Variants in CACNA2D1 observed in about 807,000 individuals in gnomAD.
CACNA2D1 encodes the protein calcium voltage-gated channel auxiliary subunit alpha2delta 1, also known as voltage-dependent calcium channel subunit alpha-2/delta-1.
A neutral mutation model predicts 171.5 loss-of-function variants in CACNA2D1; 53 were observed. That is an observed-to-expected ratio of 0.31 (90% CI 0.25 to 0.39). The LOEUF (loss-of-function observed/expected upper bound fraction) is 0.39. Among genes scored for constraint, CACNA2D1 ranks in the 10% least tolerant of loss-of-function variants. The pLI is 1.00. For synonymous variants in CACNA2D1, 442 were observed against 443.1 expected, an observed-to-expected ratio of 1.00 and a Z score of 0.03; for missense variants, 903 against 1,299.8, an observed-to-expected ratio of 0.69 and a Z score of 4.69.
chr7:82,299,854 T>A (rs534015770), intron 3 of CACNA2D1, among the ~76,000 whole-genome samples: 1 of 152,254 alleles, frequency 6.6e-6, no homozygotes, highest in African/African-American at 2.4e-5. Context: ...GGAAAAAACC[T>A]ATATTTTACT....
intron 18 of CACNA2D1, among the ~76,000 whole-genome samples, chr7:82,003,612 GAT>G (rs969213412): frequency 3.4e-5 from 5 of 149,178 alleles, no homozygotes; most frequent in Non-Finnish European, 5.9e-5. Context: ...TAGATATATA[GAT>G]ATATATATAT....
rs768036321 is a variant in CACNA2D1, at chr7:82,066,512, A to T, written c.671T>A (p.Val224Asp). Residue 224 changes from valine to aspartate, a missense_variant, in exon 8 of 39, where the codon GTT becomes GAT. Around this residue, in one of 5 missense-constraint regions of CACNA2D1, gnomAD observed 189 missense variants for 266.8 expected, o/e 0.71. Transcript: ENST00000356860. ...CTTATTTGGAGTTCTACTATTATCAACCCATGGTGAAGCTAAAAAAAAAAA... is the reference window on the plus strand; with the variant it reads ...CTTATTTGGAGTTCTACTATTATCATCCCATGGTGAAGCTAAAAAAAAAAA... ...LARYYPASPW[V>D]DNSRTPNKID... 1 of 1,598,400 alleles carries T rather than the reference A, an allele frequency of 6.3e-7. No homozygotes were observed. Among genetic ancestry groups the T allele is most frequent in the Admixed American group, 1.7e-5 (1 of 58,714 alleles).
At chr7:82,417,961 GTCTT>G (rs1399306239) in intron 1 of CACNA2D1, among the ~76,000 whole-genome samples, 3 of 152,180 alleles carry the variant, frequency 2.0e-5, no homozygotes. Context: ...ATCAACATGA[GTCTT>G]TCTAGTCTTT....
At chr7:82,196,501 G>T (rs879542737) in intron 3 of CACNA2D1, among the ~76,000 whole-genome samples, 4 of 152,052 alleles carry the variant, frequency 2.6e-5, no homozygotes, top group Non-Finnish European at 5.9e-5. Flanking sequence ...ATTAGGAATG[G>T]TGCTGTGGAA....
chr7:82,319,590 G>C (rs2129437479), intron 3 of CACNA2D1, among the ~76,000 whole-genome samples: 1 of 152,256 alleles, frequency 6.6e-6, no homozygotes, highest in East Asian at 1.9e-4. Context: ...ACCACATTAT[G>C]TTGTTGTGCT....
At chr7:82,005,284 A>T in intron 18 of CACNA2D1, 139 bp downstream of exon 18, 1 of 672,094 alleles carries the variant, frequency 1.5e-6, no homozygotes, top group South Asian at 1.7e-5. Context: ...GGTCCTTGTC[A>T]TCTAAGAAGA....
At chr7:81,988,081 G>C (rs1170508745) in intron 21 of CACNA2D1, among the ~76,000 whole-genome samples, 2 of 152,102 alleles carry the variant, frequency 1.3e-5, no homozygotes, top group Non-Finnish European at 2.9e-5. Flanking sequence ...TATAACTGTA[G>C]GAGAGCCAAC....
intron 3 of CACNA2D1, among the ~76,000 whole-genome samples, chr7:82,302,972 T>G (rs1585407401): frequency 1.3e-5 from 2 of 152,010 alleles, no homozygotes; most frequent in South Asian, 4.2e-4. Flanking sequence ...TGACACAACA[T>G]TTGGTTTGTT....
intron 2 of CACNA2D1, among the ~76,000 whole-genome samples, chr7:82,347,160 C>T (rs1376698735): frequency 6.6e-6 from 1 of 152,186 alleles, no homozygotes; most frequent in Admixed American, 6.5e-5. Context: ...TGGGAAAAAT[C>T]TCACATTTGT....
At chr7:82,358,213 T>G (rs1820681136) in intron 1 of CACNA2D1, among the ~76,000 whole-genome samples, 1 of 152,194 alleles carries the variant, frequency 6.6e-6, no homozygotes, top group Non-Finnish European at 1.5e-5. Context: ...ATTTTTGTTA[T>G]ATAATAAACC....
At chr7:82,092,965 C>T (rs1811398822) in intron 6 of CACNA2D1, among the ~76,000 whole-genome samples, 1 of 151,684 alleles carries the variant, frequency 6.6e-6, no homozygotes, top group East Asian at 1.9e-4. Flanking sequence ...GCAATTAAGA[C>T]CAAATTTAAA....
chr7:82,127,090 G>A (rs952045134), intron 5 of CACNA2D1, among the ~76,000 whole-genome samples: 3 of 152,156 alleles, frequency 2.0e-5, no homozygotes, highest in Admixed American at 2.0e-4. Context: ...TATTCTAACT[G>A]CACTGCTTAT....
chr7:82,001,647 A>C, intron 18 of CACNA2D1: 8 of 1,136,996 alleles, frequency 7.0e-6, no homozygotes, highest in Non-Finnish European at 9.5e-6. Context: ...GGCTACCTTC[A>C]TTCACAGTTA....
chr7:82,158,931 A>G (rs75442418), intron 4 of CACNA2D1, among the ~76,000 whole-genome samples: 7,340 of 151,964 alleles, frequency 0.048, 265 homozygotes, highest in Non-Finnish European at 0.072. Context: ...TATAATCAAT[A>G]TATCTCATGT....
Position 82,007,770 on chromosome 7 carries a change from C to G in CACNA2D1, c.1363-14G>C, listed in dbSNP as rs773681856. 5.4e-6 allele frequency: 8 copies of G among 1,494,252 alleles called. No homozygotes were observed. The highest frequency in any genetic ancestry group is 4.5e-5 in the South Asian group (4 of 88,584). The allele number at this position is 1,494,252 out of a possible 1,614,324, so 92.6% of individuals were successfully genotyped here. On this transcript the variant is annotated splice_polypyrimidine_tract_variant and intron_variant, in intron 15 of 38. Coordinates refer to ENST00000356860, the MANE Select transcript of CACNA2D1 (RefSeq NM_000722.4). Reference sequence around the variant, plus strand: ...AAGTCCCAGTTCCTAAAAATAGATTCAGAGAGAAAGGGCAAATTAAAATTA... The same window carrying G: ...AAGTCCCAGTTCCTAAAAATAGATTGAGAGAGAAAGGGCAAATTAAAATTA...
intron 1 of CACNA2D1, among the ~76,000 whole-genome samples, chr7:82,379,403 T>C (rs949110257): frequency 6.6e-6 from 1 of 152,230 alleles, no homozygotes; most frequent in Non-Finnish European, 1.5e-5. Context: ...AAATATTTTT[T>C]ACCATTTAAA....
chr7:82,248,234 T>G (rs1805165922), intron 3 of CACNA2D1, among the ~76,000 whole-genome samples: 2 of 152,304 alleles, frequency 1.3e-5, no homozygotes, highest in East Asian at 1.9e-4. Context: ...GCATTCACTT[T>G]GACTGTTTTT....
chr7:82,270,629 T>C (rs1232817287), intron 3 of CACNA2D1, among the ~76,000 whole-genome samples: 1 of 152,122 alleles, frequency 6.6e-6, no homozygotes, highest in Non-Finnish European at 1.5e-5. Flanking sequence ...GCCAAAGAAT[T>C]TTCCAAAGTG....
rs78772927 is a variant in CACNA2D1 at position 82,061,200 on chromosome 7, A to G, written c.780-673T>C. Among the ~76,000 whole-genome samples, 1,086 of 152,206 alleles carry G rather than the reference A, an allele frequency of 7.1e-3. 10 individuals carry two copies. Among genetic ancestry groups the G allele is most frequent in the African/African-American group, 0.024 (1,016 of 41,532 alleles). On this transcript the variant is annotated intron_variant, in intron 9 of 38. Coordinates refer to ENST00000356860, the MANE Select transcript of CACNA2D1 (RefSeq NM_000722.4). ...GTCCAAAATGACACATTACTTCCAA[A>G]CATATTTTTCATTCCTATTTATGTT...
Sources: allele counts gnomAD v4.1 joint callset (sites outside exome capture counted in the v4.1 genomes callset), GRCh38; gene constraint gnomAD v4.1.1; regional missense constraint gnomAD v4.1.1; transcripts MANE v1.5; gene names NCBI Gene and HGNC (gene_info 2026-07-23, HGNC 2026-07-21).